The following CPSF2 variants were observed in gnomAD, a reference collection of about 807,000 sequenced individuals.
CPSF2 encodes cleavage and polyadenylation specificity factor subunit 2.
Under a neutral mutation model 84.2 loss-of-function variants are expected in CPSF2, and 51 were observed. The observed-to-expected ratio is 0.61, with a 90% CI of 0.48 to 0.77. The LOEUF (loss-of-function observed/expected upper bound fraction) is 0.77, where lower values mean the gene tolerates loss of function less well. Among genes scored for constraint, CPSF2 ranks in the 30% least tolerant of loss-of-function variants. The probability of loss-of-function intolerance (pLI) is 0.00; values close to 1 mark genes in which losing one functional copy is unlikely to be tolerated. For synonymous variants in CPSF2, 286 were observed against 311.9 expected, an observed-to-expected ratio of 0.92 and a Z score of 0.87; for missense variants, 641 against 929.4, an observed-to-expected ratio of 0.69 and a Z score of 4.03.
intron 1 of CPSF2, among the ~76,000 whole-genome samples, chr14:92,122,868 T>TAA (rs1555413148): frequency 7.3e-5 from 11 of 151,056 alleles, no homozygotes; most frequent in African/African-American, 2.7e-4. Context: ...TTTTTTTTTT[T>TAA]AATAAAGACG....
chr14:92,154,890 A>G (rs1260262267), intron 10 of CPSF2, among the ~76,000 whole-genome samples: 1 of 152,194 alleles, frequency 6.6e-6, no homozygotes, highest in Non-Finnish European at 1.5e-5. Flanking sequence ...GGCCATTGTA[A>G]CACAATGTTA....
chr14:92,129,880 T>TAGG (rs2068893166), intron 2 of CPSF2, among the ~76,000 whole-genome samples: 1 of 152,038 alleles, frequency 6.6e-6, no homozygotes, highest in Non-Finnish European at 1.5e-5. Flanking sequence ...TCTGAGTAGC[T>TAGG]AGGACTACAG....
rs2069454636 is a variant in CPSF2 at position 92,166,906 on chromosome 14, G to T, written c.*5162G>T. ...CTTTGTAGTAACTTTTGAAATTGGGGAAGTGTGAGTTCCCCAACTTTAGTT... is the reference window on the plus strand; with the variant it reads ...CTTTGTAGTAACTTTTGAAATTGGGTAAGTGTGAGTTCCCCAACTTTAGTT... On this transcript the variant is annotated 3_prime_UTR_variant, in exon 16 of 16. Transcript: ENST00000298875. 1 of 152,020 alleles carries T rather than the reference G, an allele frequency of 6.6e-6. No individual in the cohort carries two copies. Among genetic ancestry groups the T allele is most frequent in the Non-Finnish European group, 1.5e-5 (1 of 68,008 alleles). The allele number at this position is 152,020 out of a possible 1,614,324, so 9.4% of individuals were successfully genotyped here.
intron 7 of CPSF2, among the ~76,000 whole-genome samples, chr14:92,141,462 A>G (rs2069077710): frequency 6.6e-6 from 1 of 152,048 alleles, no homozygotes; most frequent in Non-Finnish European, 1.5e-5. Flanking sequence ...CCACATAGCT[A>G]AGACCACAGG....
In CPSF2 at chr14:92,133,231, C is replaced by T. The variant is rs140064784; in HGVS notation, c.150-780C>T. On this transcript the variant is annotated intron_variant, in intron 3 of 15. Transcript: ENST00000298875. ...GGTTGGGAGTTCGAGACCACCCTAA[C>T]CAACATAGAGAAACCCCATCTCTAC... 3.3e-3 allele frequency among the ~76,000 whole-genome samples: 500 copies of T among 152,078 alleles called. 2 individuals are homozygous for T. The highest frequency in any genetic ancestry group is 5.7e-3 in the Non-Finnish European group (387 of 67,996).
Position 92,133,186 on chromosome 14 carries a change from G to A in CPSF2, c.150-825G>A, listed in dbSNP as rs77813272. Among the ~76,000 whole-genome samples the A allele has an allele frequency of 7.7e-4, 117 of 152,260 alleles. 2 individuals are homozygous for A. The East Asian group carries it at 0.013, about 16-fold the overall frequency. On this transcript the variant is annotated intron_variant, in intron 3 of 15. Coordinates refer to ENST00000298875, the MANE Select transcript of CPSF2 (RefSeq NM_017437.3). ...TGTAATCTCAGCACTTTGGGAGGCC[G>A]AGGTGGGCGGATCACCTGAGGTTGG...
At chr14:92,128,302 A>G (rs904023633) in intron 2 of CPSF2, among the ~76,000 whole-genome samples, 3 of 152,078 alleles carry the variant, frequency 2.0e-5, no homozygotes, top group African/African-American at 2.4e-5. Flanking sequence ...ATTGTGGCCA[A>G]CATGGTGAAA....
At chr14:92,135,809 A>G (rs2141458211) in intron 6 of CPSF2, among the ~76,000 whole-genome samples, 1 of 152,312 alleles carries the variant, frequency 6.6e-6, no homozygotes, top group Non-Finnish European at 1.5e-5. Flanking sequence ...ATTTAACACA[A>G]CTTTGTGGAT....
intron 11 of CPSF2, 57 bp downstream of exon 11, chr14:92,155,380 T>C: frequency 3.7e-6 from 5 of 1,354,492 alleles, no homozygotes; most frequent in Non-Finnish European, 4.2e-6. Flanking sequence ...AACTGTGTTA[T>C]CATTTCATTT....
chr14:92,135,107 A>G (rs1214906033), intron 5 of CPSF2, among the ~76,000 whole-genome samples: 2 of 152,206 alleles, frequency 1.3e-5, no homozygotes, highest in Non-Finnish European at 2.9e-5. Flanking sequence ...TTTAAATCTA[A>G]TCTCTAGCCT....
chr14:92,161,357 T>G lies in CPSF2; in HGVS notation c.2256+111T>G, dbSNP rs2295723. 0.015 allele frequency: 19,241 copies of G among 1,283,836 alleles called. 765 individuals are homozygous for G. The highest frequency in any genetic ancestry group is 0.15 in the East Asian group (5,893 of 39,754). The allele number at this position is 1,283,836 out of a possible 1,614,324, so 79.5% of individuals were successfully genotyped here. ...TTTCACAAAACTGAAGATCAGTAAT[T>G]TATATTCATGATCATGACCTCAAAG... On this transcript the variant is annotated intron_variant, in intron 15 of 15. Transcript: ENST00000298875.
chr14:92,157,621 T>G lies in CPSF2; in HGVS notation c.1596-38T>G. ...TAAAAGCCATTTTTTTTTAGAATTA[T>G]GAGAAAAGTAATCTTGAATAATCAT... On this transcript the variant is annotated intron_variant, in intron 12 of 15. Coordinates refer to ENST00000298875, the MANE Select transcript of CPSF2 (RefSeq NM_017437.3). This position sits in a 1 kb window ranked among gnomAD's most constrained non-coding sequence, Gnocchi z 4.0. 5 of 1,487,844 alleles carry G rather than the reference T, an allele frequency of 3.4e-6. No individual in the cohort carries two copies. Among genetic ancestry groups the G allele is most frequent in the Non-Finnish European group, 4.6e-6 (5 of 1,079,972 alleles). 92.2% of individuals were successfully genotyped at this position (1,487,844 alleles called of 1,614,324 possible). A position where few individuals can be genotyped will look rare whatever the true frequency, so the allele number is the denominator to read the frequency against.
chr14:92,142,650 A>G (rs879513264), intron 8 of CPSF2, among the ~76,000 whole-genome samples: 1 of 152,246 alleles, frequency 6.6e-6, no homozygotes, highest in Non-Finnish European at 1.5e-5. Flanking sequence ...AACCTACCTC[A>G]TAGCATTGGC....
At position 92,165,437 on chromosome 14, in the gene CPSF2, T is replaced by C. The variant is rs2069431516; in HGVS notation, c.*3693T>C. The C allele has an allele frequency of 6.6e-6, 1 of 152,178 alleles. No individual in the cohort carries two copies. The highest frequency in any genetic ancestry group is 2.4e-5 in the African/African-American group (1 of 41,454). 9.4% of individuals were successfully genotyped at this position (152,178 alleles called of 1,614,324 possible). On this transcript the variant is annotated 3_prime_UTR_variant, in exon 16 of 16. Transcript: ENST00000298875. The stretch of plus-strand genomic sequence containing the variant: ...CATTTTCTCCTCATTCTTGACAACA[T>C]TTATTACTCCCTTTTTAAATTTTAG...
chr14:92,131,626 T>G (rs1015381040), intron 3 of CPSF2, among the ~76,000 whole-genome samples: 1 of 151,678 alleles, frequency 6.6e-6, no homozygotes, highest in African/African-American at 2.4e-5. Context: ...ATCACTTGAG[T>G]TCAGGAGTTC....
chr14:92,151,554 A>G (rs1330263176), intron 9 of CPSF2, among the ~76,000 whole-genome samples: 1 of 152,224 alleles, frequency 6.6e-6, no homozygotes, highest in East Asian at 1.9e-4. Context: ...TGTAGTATCA[A>G]AGAATAATAT....
In CPSF2 at chr14:92,169,649, ATTTTTTTTTTT is replaced by A. The variant is rs3031765; in HGVS notation, c.*7917_*7927del. 7.9e-6 allele frequency: 1 copy of A among 126,962 alleles called. No individual in the cohort carries two copies. The allele number at this position is 126,962 out of a possible 1,614,324, so 7.9% of individuals were successfully genotyped here. On this transcript the variant is annotated 3_prime_UTR_variant, in exon 16 of 16. Coordinates refer to ENST00000298875, the MANE Select transcript of CPSF2 (RefSeq NM_017437.3). ...ATTCTTAAGGTTTTTCTTATATGTG[ATTTTTTTTTTT>A]TTTTTTTTTTTGAGACAAACTTGCA...
At chr14:92,137,104 A>T (rs2069010482) in intron 6 of CPSF2, among the ~76,000 whole-genome samples, 1 of 152,124 alleles carries the variant, frequency 6.6e-6, no homozygotes, top group Non-Finnish European at 1.5e-5. Flanking sequence ...GTATTAATTT[A>T]TTAATAAAAA....
chr14:92,142,139 G>C lies in CPSF2; in HGVS notation c.662-25G>C, dbSNP rs1023362745. On this transcript the variant is annotated intron_variant, in intron 7 of 15. Coordinates refer to ENST00000298875, the MANE Select transcript of CPSF2 (RefSeq NM_017437.3). ...TAGCATAGTATTGTTACGTTCTATG[G>C]GGATTTTACATTCTTGTTTTCTAGC... 3 of 1,549,428 alleles carry C rather than the reference G, an allele frequency of 1.9e-6. No individual in the cohort carries two copies. In the African/African-American group the frequency reaches 4.1e-5, roughly 21 times the overall value.
Sources: gnomAD v4.1 joint callset for allele counts (sites outside exome capture counted in the v4.1 genomes callset) on GRCh38, gnomAD v4.1.1 for gene constraint, Gnocchi (gnomAD v3.1) non-coding constraint, MANE v1.5 for transcripts, NCBI Gene and HGNC (gene_info 2026-07-23, HGNC 2026-07-21) for gene names.